TRIM44: variants seen among roughly 807,000 people sequenced by gnomAD.
TRIM44 encodes the protein tripartite motif-containing protein 44.
TRIM44 carries 13 observed loss-of-function variants against 37.4 expected under a neutral mutation model. The ratio of observed to expected loss-of-function variants is 0.35; its 90% CI spans 0.23 to 0.55. TRIM44 has a LOEUF of 0.55. TRIM44 is among the 20% of genes least tolerant of loss of function. TRIM44 has a pLI of 0.89. For missense variants in TRIM44, 426 were observed against 437.2 expected, an observed-to-expected ratio of 0.97 and a Z score of 0.23; for synonymous variants, 175 against 157.2, an observed-to-expected ratio of 1.11 and a Z score of -0.85.
intron 4 of TRIM44, among the ~76,000 whole-genome samples, chr11:35,803,558 T>A (rs1410778838): frequency 6.6e-6 from 1 of 152,032 alleles, no homozygotes; most frequent in African/African-American, 2.4e-5. Context: ...CCAGCTCTAC[T>A]AAAAATACAA....
chr11:35,754,259 C>G (rs1852596505), intron 4 of TRIM44, among the ~76,000 whole-genome samples: 1 of 152,066 alleles, frequency 6.6e-6, no homozygotes, highest in African/African-American at 2.4e-5. Context: ...TTGGCGAAAT[C>G]CTCACATGAG....
intron 2 of TRIM44, among the ~76,000 whole-genome samples, chr11:35,702,493 A>T (rs1330788815): frequency 3.9e-5 from 6 of 152,176 alleles, no homozygotes; most frequent in Non-Finnish European, 7.3e-5. Context: ...TTTGTGTTTA[A>T]AAGGAGAACG....
At chr11:35,740,083 G>A (rs1044298879) in intron 4 of TRIM44, among the ~76,000 whole-genome samples, 2 of 123,904 alleles carry the variant, frequency 1.6e-5, no homozygotes, top group African/African-American at 6.2e-5. Context: ...TGGTGACAGA[G>A]CAAGACTCTG....
intron 4 of TRIM44, among the ~76,000 whole-genome samples, chr11:35,770,010 C>T (rs1325440739): frequency 1.3e-5 from 2 of 152,112 alleles, no homozygotes; most frequent in East Asian, 3.8e-4. Context: ...GATCCTATCA[C>T]CCAGGTAGTG....
intron 4 of TRIM44, among the ~76,000 whole-genome samples, chr11:35,740,876 T>G (rs1852388879): frequency 6.6e-6 from 1 of 152,166 alleles, no homozygotes; most frequent in Non-Finnish European, 1.5e-5. Context: ...TTTGGTGGGT[T>G]TTTTTTCCTC....
chr11:35,776,216 C>A (rs1166732013), intron 4 of TRIM44, among the ~76,000 whole-genome samples: 18 of 152,138 alleles, frequency 1.2e-4, no homozygotes, highest in Non-Finnish European at 4.4e-5. Flanking sequence ...GGAATTTATG[C>A]ATTTCTTCTA....
At chr11:35,755,758 G>A (rs1852628787) in intron 4 of TRIM44, among the ~76,000 whole-genome samples, 1 of 152,018 alleles carries the variant, frequency 6.6e-6, no homozygotes, top group South Asian at 2.1e-4. Flanking sequence ...TTATTAAATA[G>A]GGAATCCTTT....
chr11:35,676,024 A>C (rs1360167820), intron 1 of TRIM44, among the ~76,000 whole-genome samples: 1 of 152,092 alleles, frequency 6.6e-6, no homozygotes, highest in South Asian at 2.1e-4. Context: ...TGAAGGACCA[A>C]ACAGTCTTTG....
Position 35,662,777 on chromosome 11 carries a change from C to T in TRIM44, c.-335C>T. The T allele has an allele frequency of 4.8e-6, 1 of 207,602 alleles. No homozygotes were observed. Among genetic ancestry groups the T allele is most frequent in the Non-Finnish European group, 9.5e-6 (1 of 105,156 alleles). 12.9% of individuals were successfully genotyped at this position (207,602 alleles called of 1,614,324 possible). ...GGAACCGGGGCGGCGCGGGGGCCGG[C>T]GGCTGCCGCGATCTCTCCCTGGTAG... On this transcript the variant is annotated 5_prime_UTR_variant, in exon 1 of 5. Coordinates refer to ENST00000299413, the MANE Select transcript of TRIM44 (RefSeq NM_017583.6).
rs554588265 is a variant in TRIM44, at chr11:35,754,725, A to G, written c.1007+19280A>G. Among the ~76,000 whole-genome samples, 13 of 143,382 alleles carry G rather than the reference A, an allele frequency of 9.1e-5. No individual in the cohort carries two copies. The South Asian group carries it at 2.0e-3, about 22-fold the overall frequency. The allele number at this position is 143,382 out of a possible 152,430, so 94.1% of individuals were successfully genotyped here. On this transcript the variant is annotated intron_variant, in intron 4 of 4. Coordinates refer to ENST00000299413, the MANE Select transcript of TRIM44 (RefSeq NM_017583.6). ...TGTGTCCATGAGTTCGCATTGTTCA[A>G]TTCCCACCTATGAGTGAGAACATGC...
At chr11:35,698,035 T>G (rs1455266074) in intron 2 of TRIM44, among the ~76,000 whole-genome samples, 1 of 151,776 alleles carries the variant, frequency 6.6e-6, no homozygotes, top group Non-Finnish European at 1.5e-5. Flanking sequence ...CCACACTGAC[T>G]TCCACAGTGG....
intron 4 of TRIM44, among the ~76,000 whole-genome samples, chr11:35,796,417 T>G (rs1316700624): frequency 3.3e-5 from 5 of 152,234 alleles, no homozygotes; most frequent in Admixed American, 3.3e-4. Context: ...ACAGGAAATT[T>G]GAAGTCCAGC....
chr11:35,726,184 T>G (rs1306057805), intron 3 of TRIM44, 21 bp downstream of exon 3: 1 of 1,609,316 alleles, frequency 6.2e-7, no homozygotes, highest in Non-Finnish European at 8.5e-7. Context: ...AGCCCATAAT[T>G]ATTAGTAGCA....
chr11:35,759,446 C>T (rs1852693273), intron 4 of TRIM44, among the ~76,000 whole-genome samples: 1 of 152,146 alleles, frequency 6.6e-6, no homozygotes. Context: ...TGGGTTCGAA[C>T]TTCTTCCTTT....
intron 3 of TRIM44, among the ~76,000 whole-genome samples, chr11:35,733,685 T>C (rs955197780): frequency 5.3e-5 from 8 of 152,144 alleles, no homozygotes; most frequent in African/African-American, 1.9e-4. Flanking sequence ...TTAAATCACC[T>C]TTCTGGCTGC....
intron 2 of TRIM44, among the ~76,000 whole-genome samples, chr11:35,718,097 A>T (rs1242079502): frequency 6.6e-6 from 1 of 152,144 alleles, no homozygotes; most frequent in East Asian, 1.9e-4. Flanking sequence ...GCTGTTTTGG[A>T]TGTCATTATT....
At chr11:35,777,664 C>G (rs973790912) in intron 4 of TRIM44, among the ~76,000 whole-genome samples, 30 of 152,188 alleles carry the variant, frequency 2.0e-4, no homozygotes, top group African/African-American at 7.0e-4. Flanking sequence ...GTGACAAAAT[C>G]TCTCAGCATT....
At position 35,811,820 on chromosome 11, in the gene TRIM44, AGGGACTGTGT is replaced by A. The variant is rs998775733; in HGVS notation, c.*5437_*5446del. On this transcript the variant is annotated 3_prime_UTR_variant, in exon 5 of 5. Coordinates refer to ENST00000299413, the MANE Select transcript of TRIM44 (RefSeq NM_017583.6). ...CTTCATCAGACCCTTTTAGTTAGCT[AGGGACTGTGT>A]GAGAACCTTGAGAAAATTGTCCAAG... The A allele has an allele frequency of 5.0e-4, 76 of 152,334 alleles. No homozygotes were observed. Among genetic ancestry groups the A allele is most frequent in the African/African-American group, 1.8e-3 (73 of 41,586 alleles). 9.4% of individuals were successfully genotyped at this position (152,334 alleles called of 1,614,324 possible). A position where few individuals can be genotyped will look rare whatever the true frequency, so the allele number is the denominator to read the frequency against.
chr11:35,710,711 C>T (rs902623748), intron 2 of TRIM44, among the ~76,000 whole-genome samples: 2 of 152,194 alleles, frequency 1.3e-5, no homozygotes, highest in African/African-American at 4.8e-5. Context: ...GAGAGGGAGA[C>T]AACCCTGCAA....
Sources: gnomAD v4.1 joint callset for allele counts (sites outside exome capture counted in the v4.1 genomes callset) on GRCh38, gnomAD v4.1.1 for gene constraint, MANE v1.5 for transcripts, NCBI Gene and HGNC (gene_info 2026-07-23, HGNC 2026-07-21) for gene names.